Variants in CLVS1 observed in about 807,000 individuals in gnomAD.
CLVS1 encodes the protein clavesin 1.
In CLVS1, 10 loss-of-function variants were observed where a neutral mutation model predicts 33.1. The observed-to-expected ratio is 0.30, with a 90% CI of 0.19 to 0.51. The LOEUF (loss-of-function observed/expected upper bound fraction) is 0.51, where lower values mean the gene tolerates loss of function less well. Ranked by LOEUF, CLVS1 falls within the 20% of genes least tolerant of loss-of-function variation. CLVS1 has a pLI of 0.97. For synonymous variants in CLVS1, 163 were observed against 166.1 expected (o/e 0.98, Z 0.14); for missense variants, 343 against 433.4 (o/e 0.79, Z 1.85).
In CLVS1 at chr8:61,137,628, T is replaced by C. The variant is rs563474659; in HGVS notation, c.-152+5768T>C. On this transcript the variant is annotated intron_variant, in intron 2 of 2. Transcript: ENST00000522621. Reference sequence around the variant, plus strand: ...TCCTGAGTCGCAAGTCTTACACTCTTGCCAGACTGTTTCTCTGCTATGTCC... The same window carrying C: ...TCCTGAGTCGCAAGTCTTACACTCTCGCCAGACTGTTTCTCTGCTATGTCC... 7.9e-5 allele frequency among the ~76,000 whole-genome samples: 12 copies of C among 152,324 alleles called. No individual in the cohort carries two copies. The South Asian group carries it at 2.5e-3, about 32-fold the overall frequency.
At chr8:61,360,696 C>T (rs1812937489) in intron 2 of CLVS1, among the ~76,000 whole-genome samples, 1 of 152,112 alleles carries the variant, frequency 6.6e-6, no homozygotes, top group Non-Finnish European at 1.5e-5. Context: ...GACAACTTTG[C>T]ATTAGGCATA....
chr8:61,402,988 A>G (rs1296980821), intron 3 of CLVS1, among the ~76,000 whole-genome samples: 1 of 152,230 alleles, frequency 6.6e-6, no homozygotes, highest in Non-Finnish European at 1.5e-5. Context: ...ATGCTAAAAC[A>G]TGATAAGTAC....
intron 2 of CLVS1, among the ~76,000 whole-genome samples, chr8:61,236,796 G>C (rs1808571669): frequency 6.6e-6 from 1 of 152,152 alleles, no homozygotes; most frequent in African/African-American, 2.4e-5. Flanking sequence ...AGGAAATTAT[G>C]GTCAAGAGAG....
chr8:61,258,746 A>C (rs766951230), intron 2 of CLVS1, among the ~76,000 whole-genome samples: 2 of 152,228 alleles, frequency 1.3e-5, no homozygotes, highest in Non-Finnish European at 2.9e-5. Context: ...GTTGTAAGTG[A>C]ATTTCTGTAT....
intron 2 of CLVS1, among the ~76,000 whole-genome samples, chr8:61,316,365 G>T (rs759374252): frequency 6.6e-6 from 1 of 152,164 alleles, no homozygotes; most frequent in Non-Finnish European, 1.5e-5. Context: ...TGGAAGAGGA[G>T]ATACCCAGCT....
At chr8:61,357,494 CTTTTTTTTT>C (rs1167743712) in intron 2 of CLVS1, among the ~76,000 whole-genome samples, 33 of 25,812 alleles carry the variant, frequency 1.3e-3, no homozygotes, top group Non-Finnish European at 2.6e-3. Flanking sequence ...TTTTTCTTTT[CTTTTTTTTT>C]TTTTTTTTTT....
chr8:61,294,168 G>T (rs1452749471), intron 1 of CLVS1, among the ~76,000 whole-genome samples: 1 of 152,144 alleles, frequency 6.6e-6, no homozygotes, highest in African/African-American at 2.4e-5. Context: ...AGTTGAGTGT[G>T]AGGGCACCGG....
chr8:61,365,758 TGTGTGTGTGTGTGTGTGC>T (rs1301681623), intron 2 of CLVS1, among the ~76,000 whole-genome samples: 1 of 144,890 alleles, frequency 6.9e-6, no homozygotes, highest in Non-Finnish European at 1.5e-5. Context: ...TTACAGGGTG[TGTGTGTGTGTGTGTGTGC>T]GTGTGTGTGT....
At chr8:61,143,672 A>G (rs1806355946) in intron 2 of CLVS1, among the ~76,000 whole-genome samples, 2 of 151,390 alleles carry the variant, frequency 1.3e-5, no homozygotes, top group Non-Finnish European at 2.9e-5. Context: ...ACCTAATTTT[A>G]AAAATGTTAT....
intron 2 of CLVS1, among the ~76,000 whole-genome samples, chr8:61,179,875 C>T (rs532494854): frequency 7.2e-5 from 11 of 152,292 alleles, no homozygotes; most frequent in African/African-American, 2.2e-4. Context: ...TAAATGCCCA[C>T]ATCAGAAAGC....
At chr8:61,316,933 AG>A (rs1204063984) in intron 2 of CLVS1, among the ~76,000 whole-genome samples, 5 of 152,234 alleles carry the variant, frequency 3.3e-5, no homozygotes, top group African/African-American at 1.2e-4. Flanking sequence ...TGAGAATTAA[AG>A]GAGCTAATAC....
intron 2 of CLVS1, among the ~76,000 whole-genome samples, chr8:61,230,881 T>C (rs1481415601): frequency 6.6e-6 from 1 of 152,164 alleles, no homozygotes; most frequent in Non-Finnish European, 1.5e-5. Flanking sequence ...TTCATAAATG[T>C]CACCTTTTTG....
At chr8:61,487,043 A>G (rs908330822) in intron 5 of CLVS1, among the ~76,000 whole-genome samples, 20 of 152,192 alleles carry the variant, frequency 1.3e-4, no homozygotes, top group African/African-American at 3.6e-4. Flanking sequence ...GAAAATTTTA[A>G]TGAGCATACA....
At chr8:61,384,437 G>A (rs1814004072) in intron 3 of CLVS1, among the ~76,000 whole-genome samples, 1 of 152,136 alleles carries the variant, frequency 6.6e-6, no homozygotes, top group Admixed American at 6.5e-5. Context: ...ATCTGAACTA[G>A]GAGTGATAAA....
intron 3 of CLVS1, among the ~76,000 whole-genome samples, chr8:61,406,529 A>G (rs1280644603): frequency 6.6e-6 from 1 of 152,238 alleles, no homozygotes; most frequent in Non-Finnish European, 1.5e-5. Context: ...TTTAATGTAT[A>G]ATCATAGGAA....
chr8:61,221,630 T>C (rs57631896), intron 2 of CLVS1, among the ~76,000 whole-genome samples: 12,479 of 152,216 alleles, frequency 0.082, 978 homozygotes, highest in African/African-American at 0.21. Flanking sequence ...ATCAAGGATA[T>C]TGGCCTGAAG....
rs763654973 is a variant in CLVS1 at position 61,499,586 on chromosome 8, T to C, written c.*44T>C. Reference sequence around the variant, plus strand: ...GCTCCTGCACACTGGCCTTCAGTGGTATCAGCCACCCAGGAAGCACATGCA... The same window carrying C: ...GCTCCTGCACACTGGCCTTCAGTGGCATCAGCCACCCAGGAAGCACATGCA... On this transcript the variant is annotated 3_prime_UTR_variant, in exon 6 of 6. Transcript: ENST00000325897. 10 of 1,464,568 alleles carry C rather than the reference T, an allele frequency of 6.8e-6. No individual in the cohort carries two copies. Among genetic ancestry groups the C allele is most frequent in the Non-Finnish European group, 9.6e-6 (10 of 1,044,732 alleles). 90.7% of individuals were successfully genotyped at this position (1,464,568 alleles called of 1,614,324 possible).
At chr8:61,391,993 T>G (rs565695852) in intron 3 of CLVS1, among the ~76,000 whole-genome samples, 2 of 152,318 alleles carry the variant, frequency 1.3e-5, no homozygotes, top group South Asian at 4.1e-4. Context: ...ATTTCTTGAT[T>G]GTTCTTGTGG....
In CLVS1 at chr8:61,423,600, G is replaced by C. The variant is rs551733054; in HGVS notation, c.631-30541G>C. ...GTAAGAGAATGCCTGGTAATGAAGAGCGCCCTAAATCTCACCAAGGATGTG... is the reference window on the plus strand; with the variant it reads ...GTAAGAGAATGCCTGGTAATGAAGACCGCCCTAAATCTCACCAAGGATGTG... On this transcript the variant is annotated intron_variant, in intron 3 of 5. Transcript: ENST00000325897. Among the ~76,000 whole-genome samples, 5 of 152,290 alleles carry C rather than the reference G, an allele frequency of 3.3e-5. No individual in the cohort carries two copies. In the East Asian group the frequency reaches 9.6e-4, roughly 29 times the overall value.
Sources: allele counts gnomAD v4.1 joint callset (sites outside exome capture counted in the v4.1 genomes callset), GRCh38; gene constraint gnomAD v4.1.1; transcripts MANE v1.5; gene names NCBI Gene and HGNC (gene_info 2026-07-23, HGNC 2026-07-21).